Variants in PAPPA observed in about 807,000 individuals in gnomAD.
PAPPA encodes pappalysin-1.
A neutral mutation model predicts 164.0 loss-of-function variants in PAPPA; 60 were observed. The ratio of observed to expected loss-of-function variants is 0.37; its 90% CI spans 0.30 to 0.45. PAPPA has a LOEUF of 0.45. Ranked by LOEUF, PAPPA falls within the 20% of genes least tolerant of loss-of-function variation. PAPPA has a pLI of 1.00. For missense variants in PAPPA, 1,782 were observed against 2,087.3 expected (o/e 0.85, Z 2.85); for synonymous variants, 875 against 814.1 (o/e 1.07, Z -1.27).
At chr9:116,283,923 C>A (rs556940382) in intron 9 of PAPPA, among the ~76,000 whole-genome samples, 5 of 152,288 alleles carry the variant, frequency 3.3e-5, no homozygotes, top group East Asian at 1.9e-4. Context: ...GCACAAGGAC[C>A]ACTTGTCTGC....
intron 1 of PAPPA, among the ~76,000 whole-genome samples, chr9:116,164,424 A>G (rs1276159974): frequency 6.6e-6 from 1 of 152,228 alleles, no homozygotes; most frequent in Non-Finnish European, 1.5e-5. Flanking sequence ...AGAATATAAG[A>G]GGTTCCCCTC....
chr9:116,382,965 A>G (rs1473456475), intron 21 of PAPPA, among the ~76,000 whole-genome samples: 1 of 152,196 alleles, frequency 6.6e-6, no homozygotes, highest in Admixed American at 6.5e-5. Context: ...TCTAGGAAAC[A>G]GAAAATAGTA....
chr9:116,320,104 C>T (rs543052014), intron 10 of PAPPA, among the ~76,000 whole-genome samples: 35 of 152,174 alleles, frequency 2.3e-4, no homozygotes, highest in Admixed American at 5.2e-4. Context: ...ACTTAGTTTC[C>T]CTATCTGTAA....
At chr9:116,365,848 CCT>C (rs965191022) in intron 18 of PAPPA, among the ~76,000 whole-genome samples, 42 of 152,248 alleles carry the variant, frequency 2.8e-4, no homozygotes, top group African/African-American at 9.6e-4. Flanking sequence ...CTCCTTCTCT[CCT>C]CTCTCTGTGT....
chr9:116,349,641 G>A (rs1167046166), intron 15 of PAPPA, among the ~76,000 whole-genome samples: 1 of 152,288 alleles, frequency 6.6e-6, no homozygotes, highest in Non-Finnish European at 1.5e-5. Context: ...CTTTGACACT[G>A]CTACAAGTTG....
intron 14 of PAPPA, 37 bp from the exon 15 acceptor site, chr9:116,346,989 T>A (rs1846218562): frequency 6.4e-7 from 1 of 1,563,520 alleles, no homozygotes; most frequent in African/African-American, 1.4e-5. Context: ...TAGAGCTCAG[T>A]CTGCCACTCC....
At chr9:116,192,831 G>A (rs552423007) in intron 2 of PAPPA, among the ~76,000 whole-genome samples, 99 of 152,252 alleles carry the variant, frequency 6.5e-4, no homozygotes, top group African/African-American at 2.3e-3. Flanking sequence ...TAAATGAAAT[G>A]GAAAACCTGG....
Position 116,154,711 on chromosome 9 carries a change from C to G in PAPPA, c.415+124C>G, listed in dbSNP as rs116754908. The stretch of plus-strand genomic sequence containing the variant: ...GCGTGTCTGTGCGAGAGCTGCCCCG[C>G]GAGCGGCGCAGAGACATCCGGGCGA... On this transcript the variant is annotated intron_variant, in intron 1 of 21. Transcript: ENST00000328252. This position sits in a 1 kb window ranked among gnomAD's most constrained non-coding sequence, Gnocchi z 5.2. 5.7e-3 allele frequency: 6,459 copies of G among 1,140,578 alleles called. 296 individuals are homozygous for G. The African/African-American group carries it at 0.097, about 17-fold the overall frequency. 70.7% of individuals were successfully genotyped at this position (1,140,578 alleles called of 1,614,324 possible). A position where few individuals can be genotyped will look rare whatever the true frequency, so the allele number is the denominator to read the frequency against.
chr9:116,265,802 T>A, intron 7 of PAPPA, 55 bp from the exon 8 acceptor site: 1 of 1,475,148 alleles, frequency 6.8e-7, no homozygotes, highest in South Asian at 1.3e-5. Flanking sequence ...TTCCATTCTC[T>A]CTTTGTCTGC....
intron 9 of PAPPA, among the ~76,000 whole-genome samples, chr9:116,280,537 A>G (rs1484667973): frequency 6.6e-5 from 10 of 152,232 alleles, no homozygotes; most frequent in Non-Finnish European, 1.3e-4. Flanking sequence ...GACTGTAGTG[A>G]ACAAAGGAGG....
At chr9:116,391,899 G>A (rs886296306) in intron 21 of PAPPA, among the ~76,000 whole-genome samples, 4 of 152,230 alleles carry the variant, frequency 2.6e-5, no homozygotes, top group South Asian at 2.1e-4. Flanking sequence ...CAGGGAATCT[G>A]GCAGTTGGGC....
At chr9:116,228,328 A>C (rs1461896208) in intron 6 of PAPPA, among the ~76,000 whole-genome samples, 1 of 151,960 alleles carries the variant, frequency 6.6e-6, no homozygotes, top group South Asian at 2.1e-4. Flanking sequence ...GTACACATAG[A>C]CCCTGCCCCC....
chr9:116,269,610 G>A (rs561743161), intron 8 of PAPPA, among the ~76,000 whole-genome samples: 6 of 152,142 alleles, frequency 3.9e-5, no homozygotes, highest in South Asian at 2.1e-4. Flanking sequence ...ATAAGGTTTC[G>A]CAGAACTTCT....
chr9:116,245,298 A>C (rs1358078817), intron 7 of PAPPA, among the ~76,000 whole-genome samples: 1 of 152,174 alleles, frequency 6.6e-6, no homozygotes, highest in African/African-American at 2.4e-5. Context: ...GTACCCCATA[A>C]ATTTATACAA....
At chr9:116,287,859 C>T (rs1209452222) in intron 9 of PAPPA, among the ~76,000 whole-genome samples, 3 of 152,180 alleles carry the variant, frequency 2.0e-5, no homozygotes, top group Non-Finnish European at 4.4e-5. Flanking sequence ...GACAACTTCT[C>T]TGGCCTCTAG....
intron 1 of PAPPA, among the ~76,000 whole-genome samples, chr9:116,186,793 A>C (rs1362152607): frequency 1.3e-5 from 2 of 152,118 alleles, no homozygotes; most frequent in African/African-American, 4.8e-5. Flanking sequence ...TGGTTTTCAG[A>C]TTTTTATTAT....
chr9:116,316,464 G>C lies in PAPPA; in HGVS notation c.3147+13514G>C, dbSNP rs556729315. 4 of 152,366 alleles carry C rather than the reference G, an allele frequency of 2.6e-5. No homozygotes were observed. In the East Asian group the frequency reaches 5.8e-4, roughly 22 times the overall value. The allele number at this position is 152,366 out of a possible 1,614,324, so 9.4% of individuals were successfully genotyped here. ...ACAGCTGCTTCAACACCCTGCGTTT[G>C]TGCAGATGTCTGTTGCCCTGGCCAA... On this transcript the variant is annotated intron_variant, in intron 10 of 21. Transcript: ENST00000328252.
intron 13 of PAPPA, among the ~76,000 whole-genome samples, chr9:116,337,464 G>T (rs571508824): frequency 6.6e-6 from 1 of 152,168 alleles, no homozygotes; most frequent in African/African-American, 2.4e-5. Flanking sequence ...AGAACCATGG[G>T]ATGTTTTCCT....
intron 9 of PAPPA, among the ~76,000 whole-genome samples, chr9:116,273,128 G>T (rs1461599179): frequency 2.0e-5 from 3 of 152,182 alleles, no homozygotes; most frequent in Non-Finnish European, 4.4e-5. Flanking sequence ...TGTAATTTAT[G>T]TGCTTCTGGA....
Sources: gnomAD v4.1 joint callset for allele counts (sites outside exome capture counted in the v4.1 genomes callset) on GRCh38, gnomAD v4.1.1 for gene constraint, Gnocchi (gnomAD v3.1) non-coding constraint, MANE v1.5 for transcripts, NCBI Gene and HGNC (gene_info 2026-07-23, HGNC 2026-07-21) for gene names.